Variants in MCCC2 observed in about 807,000 individuals in gnomAD.
MCCC2 encodes the protein methylcrotonyl-CoA carboxylase subunit 2.
MCCC2 carries 52 observed loss-of-function variants against 77.2 expected under a neutral mutation model. The observed-to-expected ratio is 0.67, with a 90% CI of 0.54 to 0.85. The LOEUF is 0.85. MCCC2 is among the 40% of genes least tolerant of loss of function. MCCC2 has a pLI of 0.00. For synonymous variants in MCCC2, 253 were observed against 248.4 expected, an observed-to-expected ratio of 1.02 and a Z score of -0.18; for missense variants, 682 against 703.2, an observed-to-expected ratio of 0.97 and a Z score of 0.34.
At chr5:71,599,911 A>G in intron 4 of MCCC2, 151 bp downstream of exon 4, 3 of 720,138 alleles carry the variant, frequency 4.2e-6, no homozygotes, top group Admixed American at 2.0e-5. Flanking sequence ...CACGCCTGTA[A>G]TCCCAGCACT....
chr5:71,612,975 C>T (rs1371452023), intron 6 of MCCC2, among the ~76,000 whole-genome samples: 1 of 152,212 alleles, frequency 6.6e-6, no homozygotes, highest in Non-Finnish European at 1.5e-5. Context: ...TGTTCCTTTC[C>T]TAGCCTCTTC....
rs899853232 is a variant in MCCC2, at chr5:71,647,888, T to C, written c.1217-1209T>C. Among the ~76,000 whole-genome samples, 13 of 147,172 alleles carry C rather than the reference T, an allele frequency of 8.8e-5. No individual in the cohort carries two copies. In the East Asian group the frequency reaches 2.4e-3, roughly 27 times the overall value. Reference sequence around the variant, plus strand: ...AAGGATTTGAGAAAGCGAAGTGAGATGCCTCACTCTTCTTTTTGAAGGCAG... The same window carrying C: ...AAGGATTTGAGAAAGCGAAGTGAGACGCCTCACTCTTCTTTTTGAAGGCAG... On this transcript the variant is annotated intron_variant, in intron 13 of 16. Coordinates refer to ENST00000340941, the MANE Select transcript of MCCC2 (RefSeq NM_022132.5).
At chr5:71,626,398 T>G (rs2112411411) in intron 6 of MCCC2, among the ~76,000 whole-genome samples, 1 of 152,346 alleles carries the variant, frequency 6.6e-6, no homozygotes, top group Non-Finnish European at 1.5e-5. Context: ...CAGTCTTCTC[T>G]CTGACAGGGA....
intron 8 of MCCC2, 84 bp downstream of exon 8, chr5:71,632,269 A>G: frequency 7.5e-7 from 1 of 1,339,380 alleles, no homozygotes; most frequent in South Asian, 1.2e-5. Context: ...ATTTGTTTCC[A>G]GTGCTAAACT....
Position 71,644,559 on chromosome 5 carries a change from C to T in MCCC2, c.1149+664C>T, listed in dbSNP as rs186202727. Reference sequence around the variant, plus strand: ...TTAGTTATTATTTGATTTCATATATCATCTCAGATTTACCTAAACTTGGAT... The same window carrying T: ...TTAGTTATTATTTGATTTCATATATTATCTCAGATTTACCTAAACTTGGAT... On this transcript the variant is annotated intron_variant, in intron 12 of 16. Transcript: ENST00000340941. Among the ~76,000 whole-genome samples the T allele has an allele frequency of 2.3e-3, 348 of 152,184 alleles. 3 individuals are homozygous for T. Among genetic ancestry groups the T allele is most frequent in the African/African-American group, 8.1e-3 (335 of 41,546 alleles).
rs186949061 is a variant in MCCC2, at chr5:71,612,010, G to A, written c.624+7542G>A. Among the ~76,000 whole-genome samples the A allele has an allele frequency of 1.4e-3, 212 of 152,000 alleles. 1 individual carries two copies. The highest frequency in any genetic ancestry group is 3.0e-3 in the African/African-American group (125 of 41,462). ...TCACCACATTAGCCAGGATGGTCTC[G>A]ATCTCCTGACCTCGTGATCTGCCGA... On this transcript the variant is annotated intron_variant, in intron 6 of 16. Transcript: ENST00000340941.
At chr5:71,606,054 G>T (rs2112336631) in intron 6 of MCCC2, among the ~76,000 whole-genome samples, 1 of 152,288 alleles carries the variant, frequency 6.6e-6, no homozygotes, top group East Asian at 1.9e-4. Context: ...CCTTGGCGAT[G>T]TGGGCTCTTT....
chr5:71,652,249 T>A (rs1747456079), intron 15 of MCCC2, among the ~76,000 whole-genome samples: 1 of 152,234 alleles, frequency 6.6e-6, no homozygotes, highest in African/African-American at 2.4e-5. Flanking sequence ...GTTGGTATTT[T>A]ACCCCTTTAA....
intron 6 of MCCC2, among the ~76,000 whole-genome samples, chr5:71,618,548 C>T (rs10059231): frequency 0.01 from 359 of 35,482 alleles, 3 homozygotes; most frequent in South Asian, 0.016. Flanking sequence ...TTCCTTCCTT[C>T]CTTTCTTTCT....
At chr5:71,612,656 C>G (rs939789857) in intron 6 of MCCC2, among the ~76,000 whole-genome samples, 1 of 152,208 alleles carries the variant, frequency 6.6e-6, no homozygotes, top group Non-Finnish European at 1.5e-5. Context: ...CATGCTGGGC[C>G]TGGTGTTACA....
chr5:71,605,703 T>A (rs1215029792), intron 6 of MCCC2, among the ~76,000 whole-genome samples: 1 of 152,092 alleles, frequency 6.6e-6, no homozygotes, highest in African/African-American at 2.4e-5. Context: ...AGGGTTTTTA[T>A]GGTTTTTGGT....
At position 71,657,943 on chromosome 5, in the gene MCCC2, CATTAAGTCCTACTGATTTT is replaced by C. The variant is rs1747628588; in HGVS notation, c.*1084_*1102del. The C allele has an allele frequency of 6.6e-6, 1 of 152,152 alleles. No individual in the cohort carries two copies. Among genetic ancestry groups the C allele is most frequent in the Non-Finnish European group, 1.5e-5 (1 of 68,066 alleles). The allele number at this position is 152,152 out of a possible 1,614,324, so 9.4% of individuals were successfully genotyped here. On this transcript the variant is annotated 3_prime_UTR_variant, in exon 17 of 17. Transcript: ENST00000340941. ...GTTGTGGAGGAACCTCTGGCTTGCTCATTAAGTCCTACTGATTTTCACTATCCCCTGAATTTCCCCACTT... is the reference window on the plus strand; with the variant it reads ...GTTGTGGAGGAACCTCTGGCTTGCTCCACTATCCCCTGAATTTCCCCACTT...
chr5:71,632,718 TC>T (rs1486918728), intron 8 of MCCC2, among the ~76,000 whole-genome samples: 2 of 152,144 alleles, frequency 1.3e-5, no homozygotes, highest in African/African-American at 4.8e-5. Context: ...GTATGAGTGA[TC>T]CCACCATGGC....
intron 16 of MCCC2, among the ~76,000 whole-genome samples, chr5:71,656,423 T>A (rs1339062545): frequency 6.6e-6 from 1 of 152,156 alleles, no homozygotes; most frequent in Non-Finnish European, 1.5e-5. Context: ...AGAAAAGGAA[T>A]AGGAAAATTT....
intron 7 of MCCC2, among the ~76,000 whole-genome samples, chr5:71,630,238 A>C (rs1414853737): frequency 6.6e-6 from 1 of 152,210 alleles, no homozygotes; most frequent in Non-Finnish European, 1.5e-5. Flanking sequence ...AAGGGTTTGC[A>C]CGTAGTGTGG....
At chr5:71,613,774 G>T (rs1746054533) in intron 6 of MCCC2, among the ~76,000 whole-genome samples, 1 of 151,824 alleles carries the variant, frequency 6.6e-6, no homozygotes, top group African/African-American at 2.4e-5. Flanking sequence ...TAATATATCA[G>T]AGAAGGAAGG....
chr5:71,643,829 A>C lies in MCCC2; in HGVS notation c.1083A>C (p.Arg361=). The change falls in exon 12 of 17, where the codon CGA becomes CGC. Residue 361 remains arginine, a synonymous_variant. Coordinates refer to ENST00000340941, the MANE Select transcript of MCCC2 (RefSeq NM_022132.5). ...YGDTLVTGFA[R]IFGYPVGIVG... ...GAACTTTCTTTTGAGGATTTGCTCG[A>C]ATATTTGGGTACCCAGTAGGTATCG... 6.2e-7 allele frequency: 1 copy of C among 1,614,156 alleles called. No homozygotes were observed. The highest frequency in any genetic ancestry group is 8.5e-7 in the Non-Finnish European group (1 of 1,180,028).
intron 4 of MCCC2, 73 bp from the exon 5 acceptor site, chr5:71,602,433 A>G (rs1745474096): frequency 1.3e-6 from 2 of 1,588,700 alleles, no homozygotes; most frequent in Non-Finnish European, 1.7e-6. Context: ...GTATTGGGGT[A>G]TCTTGTAATG....
intron 10 of MCCC2, among the ~76,000 whole-genome samples, chr5:71,640,689 C>G (rs1370581207): frequency 6.6e-6 from 1 of 152,162 alleles, no homozygotes; most frequent in Non-Finnish European, 1.5e-5. Flanking sequence ...CTCATTGCAT[C>G]CCTGAACCTC....
Sources: gnomAD v4.1 joint callset for allele counts (sites outside exome capture counted in the v4.1 genomes callset) on GRCh38, gnomAD v4.1.1 for gene constraint, MANE v1.5 for transcripts, NCBI Gene and HGNC (gene_info 2026-07-23, HGNC 2026-07-21) for gene names.